Variants in TAFA2 observed in about 807,000 individuals in gnomAD.
The protein encoded by TAFA2 is chemokine-like protein TAFA-2.
TAFA2 carries 7 observed loss-of-function variants against 18.8 expected under a neutral mutation model. The observed-to-expected ratio is 0.37, with a 90% CI of 0.21 to 0.70. TAFA2 has a LOEUF of 0.70. Among genes scored for constraint, TAFA2 ranks in the 30% least tolerant of loss-of-function variants. The probability of loss-of-function intolerance (pLI) is 0.53; values close to 1 mark genes in which losing one functional copy is unlikely to be tolerated. For synonymous variants in TAFA2, 60 were observed against 54.2 expected (o/e 1.11, Z -0.47); for missense variants, 122 against 158.1 (o/e 0.77, Z 1.23).
chr12:61,925,678 A>G (rs1318949339), intron 1 of TAFA2, among the ~76,000 whole-genome samples: 1 of 152,194 alleles, frequency 6.6e-6, no homozygotes, highest in Non-Finnish European at 1.5e-5. Context: ...TTGACACCAG[A>G]ATCTCTGTGA....
At chr12:62,153,685 C>T (rs1398241713) in intron 1 of TAFA2, among the ~76,000 whole-genome samples, 1 of 149,908 alleles carries the variant, frequency 6.7e-6, no homozygotes, top group Non-Finnish European at 1.5e-5. Flanking sequence ...AAAAAGGCAA[C>T]ATCAATTGTG....
intron 1 of TAFA2, among the ~76,000 whole-genome samples, chr12:62,098,759 A>G (rs1592334013): frequency 6.6e-6 from 1 of 152,216 alleles, no homozygotes; most frequent in Non-Finnish European, 1.5e-5. Flanking sequence ...ATGATCTGAT[A>G]TCGAAATCCA....
At chr12:61,872,551 A>G (rs1285860650) in intron 1 of TAFA2, among the ~76,000 whole-genome samples, 4 of 152,048 alleles carry the variant, frequency 2.6e-5, no homozygotes, top group Non-Finnish European at 4.4e-5. Context: ...AAATCCCGGA[A>G]TTTACCTATT....
intron 1 of TAFA2, among the ~76,000 whole-genome samples, chr12:62,031,370 G>A (rs1592560779): frequency 6.6e-6 from 1 of 152,090 alleles, no homozygotes; most frequent in Non-Finnish European, 1.5e-5. Context: ...TGGAACATAA[G>A]ACTCCAAGTT....
At chr12:61,880,462 C>A in intron 1 of TAFA2, 2 of 537,916 alleles carry the variant, frequency 3.7e-6, no homozygotes, top group South Asian at 2.8e-5. Flanking sequence ...TGATGAATGT[C>A]AAGCTGGCCC....
At chr12:62,045,259 T>C (rs1191399611) in intron 1 of TAFA2, among the ~76,000 whole-genome samples, 2 of 152,200 alleles carry the variant, frequency 1.3e-5, no homozygotes, top group Non-Finnish European at 2.9e-5. Context: ...TTTATGCTGA[T>C]ACCTTCCCTC....
intron 1 of TAFA2, among the ~76,000 whole-genome samples, chr12:62,088,762 G>A (rs1868573141): frequency 6.6e-6 from 1 of 151,874 alleles, no homozygotes; most frequent in Non-Finnish European, 1.5e-5. Context: ...TTTCTATCTG[G>A]AAGCTGTTAT....
Position 61,755,039 on chromosome 12 carries a change from A to C in TAFA2, c.107-15T>G, listed in dbSNP as rs749726221. The C allele has an allele frequency of 8.7e-6, 14 of 1,611,710 alleles. No individual in the cohort carries two copies. Among genetic ancestry groups the C allele is most frequent in the Non-Finnish European group, 1.2e-5 (14 of 1,178,734 alleles). ...AACATGGTGAGCTGCACAAACAAAA[A>C]AGATAAGACAACATTGAGAAAGCTT... is the stretch of plus-strand genomic sequence containing the variant. On this transcript the variant is annotated splice_polypyrimidine_tract_variant and intron_variant, in intron 2 of 4. Coordinates refer to ENST00000416284, the MANE Select transcript of TAFA2 (RefSeq NM_178539.5).
intron 1 of TAFA2, among the ~76,000 whole-genome samples, chr12:62,150,814 A>C (rs2062323014): frequency 1.3e-5 from 2 of 151,992 alleles, no homozygotes; most frequent in Non-Finnish European, 2.9e-5. Context: ...GCTGAGGCAC[A>C]AGAATCACTT....
chr12:61,786,883 C>A (rs538978353), intron 2 of TAFA2, among the ~76,000 whole-genome samples: 1 of 151,070 alleles, frequency 6.6e-6, no homozygotes, highest in South Asian at 2.1e-4. Context: ...GCTAACAAGC[C>A]AAATAAGATG....
chr12:61,841,748 T>C (rs1003912303), intron 2 of TAFA2, among the ~76,000 whole-genome samples: 1 of 152,088 alleles, frequency 6.6e-6, no homozygotes, highest in African/African-American at 2.4e-5. Flanking sequence ...GAATTTTTAA[T>C]GTTCTCATCG....
intron 1 of TAFA2, among the ~76,000 whole-genome samples, chr12:62,029,504 A>C (rs1881394003): frequency 6.6e-6 from 1 of 152,192 alleles, no homozygotes. Context: ...CACAGTATAC[A>C]GTTTCCATGT....
intron 2 of TAFA2, among the ~76,000 whole-genome samples, chr12:61,825,553 G>A (rs947129554): frequency 1.3e-5 from 2 of 152,066 alleles, no homozygotes; most frequent in Admixed American, 1.3e-4. Context: ...ACTTTCAGAT[G>A]AGTGTTGGGT....
At position 62,175,742 on chromosome 12, in the gene TAFA2, C is replaced by T. The variant is rs1592383218; in HGVS notation, c.-2+15517G>A. Among the ~76,000 whole-genome samples, 3 of 152,110 alleles carry T rather than the reference C, an allele frequency of 2.0e-5. No individual in the cohort carries two copies. In the East Asian group the frequency reaches 5.8e-4, roughly 29 times the overall value. On this transcript the variant is annotated intron_variant, in intron 1 of 4. Transcript: ENST00000416284. Reference sequence around the variant, plus strand: ...GGAAGTTTTATTGCTAGTTATAATTCTAAAGCACAATCTATAGCAATACTT... The same window carrying T: ...GGAAGTTTTATTGCTAGTTATAATTTTAAAGCACAATCTATAGCAATACTT...
intron 2 of TAFA2, among the ~76,000 whole-genome samples, chr12:61,842,644 T>C (rs559466079): frequency 6.6e-6 from 1 of 152,130 alleles, no homozygotes; most frequent in South Asian, 2.1e-4. Context: ...ACAAATCCAA[T>C]GATACTTACT....
In TAFA2 at chr12:61,728,775, C is replaced by T. The variant is rs760272760; in HGVS notation, c.385-18358G>A. 3.9e-4 allele frequency among the ~76,000 whole-genome samples: 59 copies of T among 150,908 alleles called. 1 individual carries two copies. Among genetic ancestry groups the T allele is most frequent in the Non-Finnish European group, 2.7e-4 (18 of 67,662 alleles). On this transcript the variant is annotated intron_variant, in intron 4 of 4. Coordinates refer to ENST00000416284, the MANE Select transcript of TAFA2 (RefSeq NM_178539.5). ...AGATGTGAGGTACTATTCTATTCAT[C>T]ATGCTAGTTGGTGTCCCAATACCTT...
intron 1 of TAFA2, among the ~76,000 whole-genome samples, chr12:61,881,446 A>G (rs1875135696): frequency 6.6e-6 from 1 of 152,228 alleles, no homozygotes; most frequent in Admixed American, 6.5e-5. Flanking sequence ...CTAATTACAT[A>G]GAAAAGGTGC....
At chr12:62,102,353 G>A (rs765619336) in intron 1 of TAFA2, among the ~76,000 whole-genome samples, 16 of 152,144 alleles carry the variant, frequency 1.1e-4, no homozygotes, top group Non-Finnish European at 1.5e-4. Flanking sequence ...GTGAAAACAT[G>A]AGATATTTTT....
chr12:62,000,219 C>T (rs1162196231), intron 1 of TAFA2, among the ~76,000 whole-genome samples: 2 of 114,282 alleles, frequency 1.8e-5, no homozygotes, highest in Non-Finnish European at 3.9e-5. Context: ...ATGCATACTG[C>T]CTGTGTAGTC....
Sources: gnomAD v4.1 joint callset for allele counts (sites outside exome capture counted in the v4.1 genomes callset) on GRCh38, gnomAD v4.1.1 for gene constraint, MANE v1.5 for transcripts, NCBI Gene and HGNC (gene_info 2026-07-23, HGNC 2026-07-21) for gene names.